Variants in RABGAP1L observed in about 807,000 individuals in gnomAD.
RABGAP1L encodes the protein RAB GTPase activating protein 1 like.
A neutral mutation model predicts 137.7 loss-of-function variants in RABGAP1L; 63 were observed. The observed-to-expected ratio is 0.46, with a 90% CI of 0.37 to 0.56. The LOEUF is 0.56. RABGAP1L is among the 20% of genes least tolerant of loss of function. RABGAP1L has a pLI of 0.00. For synonymous variants in RABGAP1L, 431 were observed against 433.7 expected, an observed-to-expected ratio of 0.99 and a Z score of 0.08; for missense variants, 1,095 against 1,244.0, an observed-to-expected ratio of 0.88 and a Z score of 1.80.
chr1:174,253,499 G>C (rs1571790950), intron 7 of RABGAP1L, among the ~76,000 whole-genome samples: 1 of 152,100 alleles, frequency 6.6e-6, no homozygotes, highest in African/African-American at 2.4e-5. Context: ...ACATTTGTAA[G>C]GATGTTTATT....
At chr1:174,308,545 G>A (rs1233463339) in intron 11 of RABGAP1L, among the ~76,000 whole-genome samples, 1 of 151,902 alleles carries the variant, frequency 6.6e-6, no homozygotes, top group African/African-American at 2.4e-5. Flanking sequence ...TTTATGTATG[G>A]TGGTGTGAGA....
chr1:174,554,833 A>G (rs1666774575), intron 13 of RABGAP1L, among the ~76,000 whole-genome samples: 1 of 152,206 alleles, frequency 6.6e-6, no homozygotes, highest in Non-Finnish European at 1.5e-5. Context: ...AGTTGGTGAC[A>G]TAAGCAGAAA....
At position 174,701,050 on chromosome 1, in the gene RABGAP1L, A is replaced by G. The variant is rs111308791; in HGVS notation, c.2026-1063A>G. The G allele has an allele frequency of 3.2e-4, 412 of 1,302,652 alleles. 1 individual carries two copies. In the African/African-American group the frequency reaches 5.4e-3, roughly 17 times the overall value. The allele number at this position is 1,302,652 out of a possible 1,614,324, so 80.7% of individuals were successfully genotyped here. On this transcript the variant is annotated intron_variant, in intron 16 of 25. Transcript: ENST00000681986. ...CATTTGGCTATTTTTCAAAGAGAGC[A>G]TGTAGTTCAAGAAATGGCTTATTTT...
chr1:174,239,604 T>G (rs1413343884), intron 4 of RABGAP1L, among the ~76,000 whole-genome samples: 1 of 152,182 alleles, frequency 6.6e-6, no homozygotes, highest in Non-Finnish European at 1.5e-5. Context: ...TGAATTGATA[T>G]TATATTTATT....
chr1:174,710,780 C>T (rs1309811555), intron 17 of RABGAP1L, among the ~76,000 whole-genome samples: 1 of 152,206 alleles, frequency 6.6e-6, no homozygotes, highest in Non-Finnish European at 1.5e-5. Context: ...ACAAAATAAC[C>T]AGCTAGCATC....
chr1:174,962,254 A>G (rs1288389426), intron 20 of RABGAP1L, among the ~76,000 whole-genome samples: 1 of 144,852 alleles, frequency 6.9e-6, no homozygotes, highest in Admixed American at 7.0e-5. Flanking sequence ...CTCCCAAAGC[A>G]TAATAAAGGT....
At chr1:174,538,942 A>G (rs746513557) in intron 13 of RABGAP1L, among the ~76,000 whole-genome samples, 2 of 152,168 alleles carry the variant, frequency 1.3e-5, no homozygotes, top group African/African-American at 2.4e-5. Context: ...ACAGAAAAAC[A>G]TATTAGTGTA....
In RABGAP1L at chr1:174,231,156, C is replaced by G. The variant is rs574237832; in HGVS notation, c.343C>G (p.Pro115Ala). The part of the protein sequence containing the change: ...LDPSNTEIST[P>A]RPSSPGGLPE... Reference sequence around the variant, plus strand: ...TTTTGTTTCTTCAGAAATTTCTACACCCAGACCATCTTCTCCAGGTGGACT... The same window carrying G: ...TTTTGTTTCTTCAGAAATTTCTACAGCCAGACCATCTTCTCCAGGTGGACT... Residue 115 changes from proline to alanine, a missense_variant, in exon 4 of 26, where the codon CCC becomes GCC. Coordinates refer to ENST00000681986, the MANE Select transcript of RABGAP1L (RefSeq NM_001366446.1). 4 of 1,610,250 alleles carry G rather than the reference C, an allele frequency of 2.5e-6. No individual in the cohort carries two copies. In the Admixed American group the frequency reaches 6.7e-5, roughly 27 times the overall value.
Position 174,766,777 on chromosome 1 carries a change from G to GA in RABGAP1L, c.2211+14429dup, listed in dbSNP as rs1685703385. Among the ~76,000 whole-genome samples, 5 of 152,134 alleles carry GA rather than the reference G, an allele frequency of 3.3e-5. No individual in the cohort carries two copies. The South Asian group carries it at 1.0e-3, about 32-fold the overall frequency. On this transcript the variant is annotated intron_variant, in intron 18 of 25. Transcript: ENST00000681986. Reference sequence around the variant, plus strand: ...GACAAGGGCATCTCAGAGGTAACCTGAAAAAACAAATTCAGCCCATGATGG... The same window carrying GA: ...GACAAGGGCATCTCAGAGGTAACCTGAAAAAAACAAATTCAGCCCATGATGG...
chr1:174,754,994 A>G (rs1443269658), intron 18 of RABGAP1L, among the ~76,000 whole-genome samples: 3 of 152,224 alleles, frequency 2.0e-5, no homozygotes, highest in African/African-American at 7.2e-5. Context: ...TATTTGTAGA[A>G]TAGTAATGGT....
At chr1:174,285,642 G>A (rs977880571) in intron 10 of RABGAP1L, among the ~76,000 whole-genome samples, 1 of 151,798 alleles carries the variant, frequency 6.6e-6, no homozygotes, top group Non-Finnish European at 1.5e-5. Flanking sequence ...CTCCTGCTAG[G>A]ACTTTCAGTA....
At chr1:174,461,088 G>GT (rs1209126298) in intron 13 of RABGAP1L, among the ~76,000 whole-genome samples, 6 of 152,132 alleles carry the variant, frequency 3.9e-5, no homozygotes, top group African/African-American at 1.4e-4. Context: ...AGCATTGTCT[G>GT]TTTCATTGTA....
intron 11 of RABGAP1L, among the ~76,000 whole-genome samples, chr1:174,355,595 C>G (rs1047718643): frequency 1.3e-5 from 2 of 151,276 alleles, no homozygotes; most frequent in East Asian, 1.9e-4. Flanking sequence ...CACATGTACC[C>G]TAAAACTTAA....
intron 14 of RABGAP1L, among the ~76,000 whole-genome samples, chr1:174,671,874 A>C (rs1677199389): frequency 6.6e-6 from 1 of 152,146 alleles, no homozygotes; most frequent in African/African-American, 2.4e-5. Flanking sequence ...GTTTGAGAAG[A>C]ATTGGTGTTA....
At chr1:174,365,005 C>G (rs1342485236) in intron 11 of RABGAP1L, among the ~76,000 whole-genome samples, 1 of 152,170 alleles carries the variant, frequency 6.6e-6, no homozygotes, top group African/African-American at 2.4e-5. Context: ...GTCCAAGATG[C>G]AAGACAGAGT....
At chr1:174,585,525 G>A (rs542976911) in intron 13 of RABGAP1L, among the ~76,000 whole-genome samples, 2 of 152,320 alleles carry the variant, frequency 1.3e-5, no homozygotes, top group South Asian at 4.1e-4. Context: ...GATTTGCTGA[G>A]GATATTCTGT....
At chr1:174,274,548 A>T (rs947529345) in intron 8 of RABGAP1L, among the ~76,000 whole-genome samples, 2 of 151,978 alleles carry the variant, frequency 1.3e-5, no homozygotes, top group Non-Finnish European at 2.9e-5. Context: ...TTGCATAAAG[A>T]AATCACTTAA....
chr1:174,854,715 CTTTTTTTTTTTTTTTTTTTTTTTTT>C (rs71117584), intron 19 of RABGAP1L, among the ~76,000 whole-genome samples: 29 of 56,868 alleles, frequency 5.1e-4, no homozygotes, highest in African/African-American at 7.3e-4. Flanking sequence ...AATATAAATG[CTTTTTTTTTTTTTTTTTTTTTTTTT>C]TTTTTTTTTT....
chr1:174,639,349 CAA>C (rs1012811193), intron 14 of RABGAP1L, among the ~76,000 whole-genome samples: 42 of 151,974 alleles, frequency 2.8e-4, no homozygotes, highest in African/African-American at 1.0e-3. Flanking sequence ...TGAAAAGTAC[CAA>C]AGACCATTGG....
Sources: gnomAD v4.1 joint callset for allele counts (sites outside exome capture counted in the v4.1 genomes callset) on GRCh38, gnomAD v4.1.1 for gene constraint, MANE v1.5 for transcripts, NCBI Gene and HGNC (gene_info 2026-07-23, HGNC 2026-07-21) for gene names.